Variants in STARD13 observed in about 807,000 individuals in gnomAD.
STARD13 encodes the protein StAR related lipid transfer domain containing 13, also known as stAR-related lipid transfer protein 13.
Under a neutral mutation model 106.4 loss-of-function variants are expected in STARD13, and 62 were observed. The ratio of observed to expected loss-of-function variants is 0.58; its 90% CI spans 0.48 to 0.72. The LOEUF is 0.72. Among genes scored for constraint, STARD13 ranks in the 30% least tolerant of loss-of-function variants. The pLI is 0.00. For missense variants in STARD13, 1,387 were observed against 1,424.0 expected (o/e 0.97, Z 0.42); for synonymous variants, 565 against 553.0 (o/e 1.02, Z -0.31).
At chr13:33,148,767 C>T (rs546260261) in intron 3 of STARD13, among the ~76,000 whole-genome samples, 37 of 152,144 alleles carry the variant, frequency 2.4e-4, no homozygotes, top group Non-Finnish European at 4.0e-4. Flanking sequence ...CAAACCTGCA[C>T]GTAGGTATTT....
the STARD13 span, among the ~76,000 whole-genome samples, chr13:33,432,466 G>A: frequency 6.6e-6 from 1 of 152,040 alleles, no homozygotes; most frequent in African/African-American, 2.4e-5. Flanking sequence ...CTGGGGGAAG[G>A]GGCAGCTTCA....
At chr13:33,208,669 A>T (rs1368918925) in intron 1 of STARD13, among the ~76,000 whole-genome samples, 1 of 152,142 alleles carries the variant, frequency 6.6e-6, no homozygotes, top group Non-Finnish European at 1.5e-5. Context: ...GGCTCCACTC[A>T]GGAGGCTATG....
the STARD13 span, among the ~76,000 whole-genome samples, chr13:33,642,716 C>G: frequency 6.6e-6 from 1 of 152,064 alleles, no homozygotes; most frequent in Non-Finnish European, 1.5e-5. Context: ...TTAGTAACAT[C>G]TGGCTGACTC....
the STARD13 span, among the ~76,000 whole-genome samples, chr13:33,576,621 A>G: frequency 2.0e-5 from 3 of 152,230 alleles, no homozygotes; most frequent in East Asian, 5.8e-4. Flanking sequence ...AAAAAACCAC[A>G]TATCAGTCAT....
chr13:33,132,002 A>T (rs1878361043), intron 4 of STARD13, among the ~76,000 whole-genome samples: 1 of 152,180 alleles, frequency 6.6e-6, no homozygotes, highest in Non-Finnish European at 1.5e-5. Context: ...ACTCCCTTTA[A>T]CCTTGCAGTG....
chr13:33,664,632 T>C, the STARD13 span, among the ~76,000 whole-genome samples: 1 of 152,168 alleles, frequency 6.6e-6, no homozygotes, highest in African/African-American at 2.4e-5. Flanking sequence ...AACTATTGAC[T>C]CTTTTATTTA....
chr13:33,452,218 G>C, the STARD13 span, among the ~76,000 whole-genome samples: 1 of 152,028 alleles, frequency 6.6e-6, no homozygotes, highest in Non-Finnish European at 1.5e-5. Flanking sequence ...AGGAGGGTGT[G>C]GATAATGACA....
Position 33,285,749 on chromosome 13 carries a change from G to T in STARD13, c.-111C>A. ...CCCAGGACAGCTCAACAGACCCAGCGATTTTTAAAAAGAAAGAGGAGTGCC... is the reference window on the plus strand; with the variant it reads ...CCCAGGACAGCTCAACAGACCCAGCTATTTTTAAAAAGAAAGAGGAGTGCC... On this transcript the variant is annotated 5_prime_UTR_variant, in exon 1 of 14. Transcript: ENST00000336934. The T allele has an allele frequency of 2.0e-6, 3 of 1,490,762 alleles. No homozygotes were observed. Among genetic ancestry groups the T allele is most frequent in the Non-Finnish European group, 1.8e-6 (2 of 1,126,340 alleles). The allele number at this position is 1,490,762 out of a possible 1,614,324, so 92.3% of individuals were successfully genotyped here.
the STARD13 span, among the ~76,000 whole-genome samples, chr13:33,365,746 G>T: frequency 1.5e-4 from 23 of 152,120 alleles, no homozygotes; most frequent in Admixed American, 1.3e-3. Context: ...TGCAGGTCAG[G>T]TGTTGGACCA....
intron 1 of STARD13, among the ~76,000 whole-genome samples, chr13:33,274,324 A>C (rs1462459528): frequency 2.0e-5 from 3 of 152,108 alleles, no homozygotes; most frequent in Non-Finnish European, 4.4e-5. Flanking sequence ...AGATTAAGAC[A>C]CAGACACACA....
the STARD13 span, among the ~76,000 whole-genome samples, chr13:33,408,169 A>T: frequency 9.4e-3 from 1,431 of 152,298 alleles, 36 homozygotes; most frequent in East Asian, 0.097. Context: ...AACTACGCAT[A>T]ACATAAAATT....
intron 1 of STARD13, among the ~76,000 whole-genome samples, chr13:33,341,631 C>T (rs1039207037): frequency 5.3e-5 from 8 of 151,882 alleles, no homozygotes; most frequent in Admixed American, 1.3e-4. Context: ...GAAATTTCAG[C>T]GAACCAGCTG....
chr13:33,312,162 T>G (rs1057151122), intron 1 of STARD13, among the ~76,000 whole-genome samples: 7 of 152,236 alleles, frequency 4.6e-5, no homozygotes, highest in African/African-American at 1.7e-4. Context: ...TTTTTACTGT[T>G]TATCTTAGGG....
At chr13:33,206,475 A>T (rs76956665) in intron 1 of STARD13, among the ~76,000 whole-genome samples, 3,861 of 152,302 alleles carry the variant, frequency 0.025, 158 homozygotes, top group African/African-American at 0.085. Flanking sequence ...ATGCCAAAAT[A>T]GGATATAACA....
chr13:33,636,282 C>T, the STARD13 span, among the ~76,000 whole-genome samples: 1 of 151,962 alleles, frequency 6.6e-6, no homozygotes, highest in Non-Finnish European at 1.5e-5. Flanking sequence ...TCTCCTTAGT[C>T]TTCTATTTTA....
At chr13:33,279,302 T>A (rs1311419158) in intron 1 of STARD13, among the ~76,000 whole-genome samples, 1 of 152,220 alleles carries the variant, frequency 6.6e-6, no homozygotes, top group East Asian at 1.9e-4. Flanking sequence ...TTTTCTAACT[T>A]GTGTTTCTGT....
intron 1 of STARD13, among the ~76,000 whole-genome samples, chr13:33,224,333 T>A (rs1374124304): frequency 6.6e-6 from 1 of 152,210 alleles, no homozygotes; most frequent in Non-Finnish European, 1.5e-5. Context: ...TACTGTATCT[T>A]TACAATAAAG....
chr13:33,380,011 T>TGATAAG, the STARD13 span, among the ~76,000 whole-genome samples: 64,446 of 151,672 alleles, frequency 0.42, 14,897 homozygotes, highest in African/African-American at 0.61. Context: ...TTTAATACTC[T>TGATAAG]TGCGATAAAA....
intron 1 of STARD13, among the ~76,000 whole-genome samples, chr13:33,244,028 T>C (rs1889698360): frequency 1.3e-5 from 2 of 151,918 alleles, no homozygotes; most frequent in African/African-American, 4.8e-5. Flanking sequence ...TTTTTTTTTT[T>C]TTTAATATTT....
Sources: allele counts gnomAD v4.1 joint callset (sites outside exome capture counted in the v4.1 genomes callset), GRCh38; gene constraint gnomAD v4.1.1; transcripts MANE v1.5; gene names NCBI Gene and HGNC (gene_info 2026-07-23, HGNC 2026-07-21).